PDE7A: variants seen among roughly 807,000 people sequenced by gnomAD.
PDE7A encodes high affinity 3',5'-cyclic-AMP phosphodiesterase 7A.
PDE7A carries 39 observed loss-of-function variants against 64.3 expected under a neutral mutation model. The ratio of observed to expected loss-of-function variants is 0.61; its 90% CI spans 0.47 to 0.79. The LOEUF (loss-of-function observed/expected upper bound fraction) is 0.79, where lower values mean the gene tolerates loss of function less well. Ranked by LOEUF, PDE7A falls within the 30% of genes least tolerant of loss-of-function variation. The pLI, the probability that PDE7A is intolerant of heterozygous loss-of-function variation, is 0.00. For synonymous variants in PDE7A, 203 were observed against 206.8 expected (o/e 0.98, Z 0.16); for missense variants, 470 against 582.8 (o/e 0.81, Z 1.99).
chr8:65,840,544 C>G (rs1248945760), intron 1 of PDE7A, among the ~76,000 whole-genome samples: 1 of 152,216 alleles, frequency 6.6e-6, no homozygotes, highest in Admixed American at 6.5e-5. Flanking sequence ...GCCATAACTT[C>G]TGGCAGCAGA....
At chr8:65,754,730 G>A (rs1387302085) in intron 3 of PDE7A, among the ~76,000 whole-genome samples, 2 of 150,594 alleles carry the variant, frequency 1.3e-5, no homozygotes, top group African/African-American at 4.9e-5. Flanking sequence ...ACTTTGGGAG[G>A]CTGAGGCGAG....
At chr8:65,810,069 T>G (rs1433420090) in intron 1 of PDE7A, among the ~76,000 whole-genome samples, 1 of 152,128 alleles carries the variant, frequency 6.6e-6, no homozygotes, top group African/African-American at 2.4e-5. Flanking sequence ...GCAGCACTAT[T>G]GACAATAGCA....
chr8:65,784,219 G>A (rs1053045152), intron 1 of PDE7A, among the ~76,000 whole-genome samples: 9 of 151,962 alleles, frequency 5.9e-5, no homozygotes, highest in Non-Finnish European at 1.0e-4. Context: ...AAAAAGGGGC[G>A]AGGGGAATGG....
chr8:65,714,940 T>C lies in PDE7A; in HGVS notation c.*4350A>G, dbSNP rs1472626350. 6.6e-6 allele frequency among the ~76,000 whole-genome samples: 1 copy of C among 152,180 alleles called. No homozygotes were observed. Among genetic ancestry groups the C allele is most frequent in the Non-Finnish European group, 1.5e-5 (1 of 68,030 alleles). On this transcript the variant is annotated 3_prime_UTR_variant, in exon 13 of 13. Coordinates refer to ENST00000401827, the MANE Select transcript of PDE7A (RefSeq NM_001242318.3). ...GAGTATCATTACCAACCATCACATT[T>C]ACAGTGAGTACAAATATTGACCAGG... is the stretch of plus-strand genomic sequence containing the variant.
At chr8:65,733,266 G>T (rs763611054) in intron 7 of PDE7A, among the ~76,000 whole-genome samples, 13 of 152,304 alleles carry the variant, frequency 8.5e-5, no homozygotes, top group Non-Finnish European at 1.3e-4. Flanking sequence ...CCCTGCCCCT[G>T]GCTTGGGTTG....
At chr8:65,809,064 G>C (rs1810178667) in intron 1 of PDE7A, among the ~76,000 whole-genome samples, 1 of 152,184 alleles carries the variant, frequency 6.6e-6, no homozygotes, top group Non-Finnish European at 1.5e-5. Context: ...AGAAGATTTG[G>C]TTTCTGGTTC....
At chr8:65,829,441 G>A (rs1810759304) in intron 1 of PDE7A, among the ~76,000 whole-genome samples, 2 of 151,918 alleles carry the variant, frequency 1.3e-5, no homozygotes, top group Non-Finnish European at 2.9e-5. Context: ...AACGATTACT[G>A]GGCCATAAAC....
intron 1 of PDE7A, among the ~76,000 whole-genome samples, chr8:65,793,258 C>G (rs1323587736): frequency 2.6e-5 from 4 of 152,066 alleles, no homozygotes; most frequent in African/African-American, 9.7e-5. Flanking sequence ...TTCATTAGAT[C>G]TTGTCTTGTT....
chr8:65,841,966 C>A lies in PDE7A; in HGVS notation c.-458G>T, dbSNP rs922163042. 2.2e-5 allele frequency: 4 copies of A among 178,250 alleles called. No homozygotes were observed. Among genetic ancestry groups the A allele is most frequent in the African/African-American group, 1.8e-4 (3 of 16,422 alleles). 11.0% of individuals were successfully genotyped at this position (178,250 alleles called of 1,614,324 possible). A position where few individuals can be genotyped will look rare whatever the true frequency, so the allele number is the denominator to read the frequency against. ...CTCAGGAGCAGCGACCAGCTCGGGC[C>A]GCCGCCGCCGCCGCCGCCGCCGCCG... On this transcript the variant is annotated 5_prime_UTR_variant, in exon 1 of 13. Coordinates refer to ENST00000401827, the MANE Select transcript of PDE7A (RefSeq NM_001242318.3).
rs1811096336 is a variant in PDE7A at position 65,841,707 on chromosome 8, G to T, written c.-199C>A. 1 of 154,962 alleles carries T rather than the reference G, an allele frequency of 6.5e-6. No homozygotes were observed. Among genetic ancestry groups the T allele is most frequent in the Non-Finnish European group, 1.4e-5 (1 of 71,142 alleles). 9.6% of individuals were successfully genotyped at this position (154,962 alleles called of 1,614,324 possible). The stretch of plus-strand genomic sequence containing the variant: ...CGGGCCGCCGGCGGGAAGGCTCCGC[G>T]GCGGCCGCGGCGCCAATTACCAGGA... On this transcript the variant is annotated 5_prime_UTR_variant, in exon 1 of 13. Transcript: ENST00000401827.
intron 1 of PDE7A, among the ~76,000 whole-genome samples, chr8:65,832,089 C>A (rs1375367330): frequency 1.3e-5 from 2 of 152,104 alleles, no homozygotes. Context: ...TGTAGATACT[C>A]TGGGGTTTTT....
intron 4 of PDE7A, among the ~76,000 whole-genome samples, chr8:65,746,529 A>G (rs2128906093): frequency 6.6e-6 from 1 of 152,322 alleles, no homozygotes. Flanking sequence ...TAAATCCCAC[A>G]AAGGCCCTAA....
At position 65,714,972 on chromosome 8, in the gene PDE7A, T is replaced by A. The variant is rs1192684418; in HGVS notation, c.*4318A>T. ...AGTACAAATATTGACCAGGAACCAA[T>A]TTTTCTTTTTTAAAGTTAGGACTTG... On this transcript the variant is annotated 3_prime_UTR_variant, in exon 13 of 13. Transcript: ENST00000401827. 2.0e-5 allele frequency among the ~76,000 whole-genome samples: 3 copies of A among 152,146 alleles called. No homozygotes were observed. The highest frequency in any genetic ancestry group is 2.9e-5 in the Non-Finnish European group (2 of 68,024).
chr8:65,816,827 T>A (rs528300870), intron 1 of PDE7A, among the ~76,000 whole-genome samples: 11 of 152,338 alleles, frequency 7.2e-5, no homozygotes, highest in Non-Finnish European at 1.5e-4. Context: ...TCTCTTTGTA[T>A]TAATCCTAGT....
chr8:65,787,811 G>A (rs1486338740), intron 1 of PDE7A, among the ~76,000 whole-genome samples: 2 of 151,092 alleles, frequency 1.3e-5, no homozygotes, highest in African/African-American at 2.4e-5. Flanking sequence ...TAAAGTCTCT[G>A]AAAACACCCA....
intron 1 of PDE7A, among the ~76,000 whole-genome samples, chr8:65,785,020 T>C (rs1239994522): frequency 6.6e-6 from 1 of 151,990 alleles, no homozygotes; most frequent in East Asian, 1.9e-4. Flanking sequence ...ATATTGAAAA[T>C]TTACTGAAAG....
At chr8:65,797,697 C>CT (rs1431824891) in intron 1 of PDE7A, among the ~76,000 whole-genome samples, 2 of 151,796 alleles carry the variant, frequency 1.3e-5, no homozygotes, top group Non-Finnish European at 2.9e-5. Context: ...TCCCAGCAGA[C>CT]TTTTTTTTAG....
In PDE7A at chr8:65,832,506, C is replaced by A. The variant is rs564159049; in HGVS notation, c.138+8865G>T. ...TCTTACTAGCATTGTGTACATGTAA[C>A]CTTCAAGCTATAAACTCACTTTGGC... is the stretch of plus-strand genomic sequence containing the variant. On this transcript the variant is annotated intron_variant, in intron 1 of 12. Transcript: ENST00000401827. Among the ~76,000 whole-genome samples the A allele has an allele frequency of 4.6e-5, 7 of 152,236 alleles. No homozygotes were observed. The East Asian group carries it at 1.3e-3, about 29-fold the overall frequency.
intron 1 of PDE7A, among the ~76,000 whole-genome samples, chr8:65,809,691 A>G (rs1258827971): frequency 6.6e-6 from 1 of 152,240 alleles, no homozygotes; most frequent in Admixed American, 6.5e-5. Context: ...TGGGCAAAGG[A>G]TATGAACAGA....
Sources: allele counts gnomAD v4.1 joint callset (sites outside exome capture counted in the v4.1 genomes callset), GRCh38; gene constraint gnomAD v4.1.1; transcripts MANE v1.5; gene names NCBI Gene and HGNC (gene_info 2026-07-23, HGNC 2026-07-21).